GKAP1: variants seen among roughly 807,000 people sequenced by gnomAD.
GKAP1 encodes G kinase anchoring protein 1.
In GKAP1, 31 loss-of-function variants were observed where a neutral mutation model predicts 56.7. The ratio of observed to expected loss-of-function variants is 0.55; its 90% CI spans 0.41 to 0.74. The LOEUF (loss-of-function observed/expected upper bound fraction) is 0.74, where lower values mean the gene tolerates loss of function less well. Ranked by LOEUF, GKAP1 falls within the 30% of genes least tolerant of loss-of-function variation. The pLI, the probability that GKAP1 is intolerant of heterozygous loss-of-function variation, is 0.00. For synonymous variants in GKAP1, 151 were observed against 138.6 expected (o/e 1.09, Z -0.63); for missense variants, 364 against 402.3 (o/e 0.90, Z 0.82).
At chr9:83,766,445 G>A (rs866173829) in intron 8 of GKAP1, among the ~76,000 whole-genome samples, 3 of 152,194 alleles carry the variant, frequency 2.0e-5, no homozygotes, top group Non-Finnish European at 2.9e-5. Context: ...TCACGAGTAC[G>A]TCAGGGTAGG....
In GKAP1 at chr9:83,770,711, G is replaced by A. The variant is rs1587708860; in HGVS notation, c.586-1741C>T. On this transcript the variant is annotated intron_variant, in intron 7 of 12. Transcript: ENST00000376371. ...TGAGTAGCTGGGATTAAAGGCATGTGCCACCACGCCCAGGTAATTTAGTAT... is the reference window on the plus strand; with the variant it reads ...TGAGTAGCTGGGATTAAAGGCATGTACCACCACGCCCAGGTAATTTAGTAT... Among the ~76,000 whole-genome samples the A allele has an allele frequency of 2.6e-5, 4 of 152,132 alleles. 1 individual carries two copies. In the South Asian group the frequency reaches 8.3e-4, roughly 32 times the overall value.
intron 8 of GKAP1, among the ~76,000 whole-genome samples, chr9:83,762,200 A>C (rs1013358975): frequency 6.6e-6 from 1 of 152,212 alleles, no homozygotes; most frequent in Non-Finnish European, 1.5e-5. Flanking sequence ...TAAATTCAGT[A>C]AAGTTGCAGG....
At chr9:83,813,809 A>G (rs1295020895) in intron 2 of GKAP1, among the ~76,000 whole-genome samples, 1 of 152,214 alleles carries the variant, frequency 6.6e-6, no homozygotes. Context: ...TATACTTAAG[A>G]TGGCAGCAGG....
chr9:83,797,633 C>A (rs536057931), intron 4 of GKAP1, among the ~76,000 whole-genome samples: 25 of 152,316 alleles, frequency 1.6e-4, no homozygotes, highest in Admixed American at 1.6e-3. Context: ...AGTTCCTGGG[C>A]CTTCAACGGC....
intron 2 of GKAP1, among the ~76,000 whole-genome samples, chr9:83,812,384 C>T (rs1299830470): frequency 2.0e-5 from 3 of 149,414 alleles, no homozygotes; most frequent in Non-Finnish European, 3.0e-5. Context: ...GGGTCTTACT[C>T]ACACACCAAG....
At chr9:83,812,452 A>G (rs1229180895) in intron 2 of GKAP1, among the ~76,000 whole-genome samples, 1 of 150,608 alleles carries the variant, frequency 6.6e-6, no homozygotes, top group Non-Finnish European at 1.5e-5. Flanking sequence ...GTCTCAGGTG[A>G]TTCTCCCACC....
intron 9 of GKAP1, among the ~76,000 whole-genome samples, chr9:83,751,645 CAG>C (rs1214231491): frequency 6.6e-6 from 1 of 151,354 alleles, no homozygotes; most frequent in Non-Finnish European, 1.5e-5. Context: ...ACCACATACA[CAG>C]GGCGCAAAAA....
chr9:83,744,254 ATT>A (rs2131225908), intron 10 of GKAP1, among the ~76,000 whole-genome samples: 1 of 152,322 alleles, frequency 6.6e-6, no homozygotes, highest in Non-Finnish European at 1.5e-5. Context: ...GAAAACACAA[ATT>A]TGTTTCAATG....
intron 2 of GKAP1, among the ~76,000 whole-genome samples, chr9:83,810,374 G>T (rs945178439): frequency 6.6e-5 from 10 of 152,206 alleles, no homozygotes; most frequent in African/African-American, 2.4e-4. Context: ...AATGTTCACA[G>T]AAGCAAGTAC....
intron 8 of GKAP1, among the ~76,000 whole-genome samples, chr9:83,762,944 C>A (rs949028553): frequency 6.6e-6 from 1 of 152,108 alleles, no homozygotes; most frequent in African/African-American, 2.4e-5. Context: ...TGGGTATATA[C>A]CCGAAAGAAA....
At chr9:83,744,005 T>G (rs1193488189) in intron 10 of GKAP1, among the ~76,000 whole-genome samples, 1 of 152,158 alleles carries the variant, frequency 6.6e-6, no homozygotes, top group Non-Finnish European at 1.5e-5. Context: ...ACTACTGATA[T>G]CACCACAGCT....
chr9:83,793,701 T>C (rs1050473563), intron 4 of GKAP1, among the ~76,000 whole-genome samples: 1 of 152,168 alleles, frequency 6.6e-6, no homozygotes, highest in Non-Finnish European at 1.5e-5. Flanking sequence ...ATTTTGAAAT[T>C]AACAGGACTC....
At chr9:83,772,725 T>C (rs1943783336) in intron 7 of GKAP1, among the ~76,000 whole-genome samples, 1 of 152,074 alleles carries the variant, frequency 6.6e-6, no homozygotes, top group African/African-American at 2.4e-5. Context: ...TTCAGACATA[T>C]AAAGAAATCA....
intron 2 of GKAP1, among the ~76,000 whole-genome samples, chr9:83,808,151 G>T (rs1452391709): frequency 1.3e-5 from 2 of 152,152 alleles, no homozygotes; most frequent in Non-Finnish European, 2.9e-5. Flanking sequence ...GATAAACCGT[G>T]ACAGATTTTT....
At chr9:83,765,803 T>C (rs920176651) in intron 8 of GKAP1, among the ~76,000 whole-genome samples, 1 of 152,212 alleles carries the variant, frequency 6.6e-6, no homozygotes, top group African/African-American at 2.4e-5. Context: ...TGTACTCCCA[T>C]TGTATCTAGG....
intron 2 of GKAP1, among the ~76,000 whole-genome samples, chr9:83,808,537 C>T (rs1186455131): frequency 1.3e-5 from 2 of 152,106 alleles, no homozygotes; most frequent in Non-Finnish European, 1.5e-5. Context: ...GTAGAGATTG[C>T]AGCAAACCGA....
chr9:83,784,980 TAAAG>T, intron 5 of GKAP1, 142 bp from the exon 6 acceptor site: 1 of 541,226 alleles, frequency 1.8e-6, no homozygotes, highest in Non-Finnish European at 3.1e-6. Context: ...CCAAATTGTA[TAAAG>T]AGATACCTCT....
At chr9:83,752,788 C>A (rs1943412962) in intron 9 of GKAP1, among the ~76,000 whole-genome samples, 1 of 151,922 alleles carries the variant, frequency 6.6e-6, no homozygotes, top group Non-Finnish European at 1.5e-5. Context: ...AAACAAAATA[C>A]AACCAGGCAC....
intron 7 of GKAP1, among the ~76,000 whole-genome samples, chr9:83,774,434 T>A (rs1472292645): frequency 6.6e-6 from 1 of 151,440 alleles, no homozygotes; most frequent in Non-Finnish European, 1.5e-5. Context: ...AAACCCTGTC[T>A]CTACCAAAAA....
Sources: gnomAD v4.1 joint callset for allele counts (sites outside exome capture counted in the v4.1 genomes callset) on GRCh38, gnomAD v4.1.1 for gene constraint, MANE v1.5 for transcripts, NCBI Gene and HGNC (gene_info 2026-07-23, HGNC 2026-07-21) for gene names.